Variants in CDKN2B-AS1 observed in about 807,000 individuals in gnomAD.
CDKN2B-AS1 encodes the protein CDKN2B antisense RNA 1 (non-protein coding).
At chr9:22,068,282 A>G (rs1824145741) in intron 4 of CDKN2B-AS1, among the ~76,000 whole-genome samples, 4 of 152,202 alleles carry the variant, frequency 2.6e-5, no homozygotes, top group African/African-American at 9.6e-5. Context: ...TTTACAATCA[A>G]TCTGGGAAGG....
intron 1 of CDKN2B-AS1, among the ~76,000 whole-genome samples, chr9:22,037,986 G>A (rs926775090): frequency 1.3e-5 from 2 of 151,950 alleles, no homozygotes; most frequent in Non-Finnish European, 2.9e-5. Flanking sequence ...AAATCTGAAG[G>A]TACTCAAAGC....
chr9:22,116,863 A>T (rs1825962657), intron 4 of CDKN2B-AS1, among the ~76,000 whole-genome samples: 1 of 152,236 alleles, frequency 6.6e-6, no homozygotes, highest in African/African-American at 2.4e-5. Flanking sequence ...CAAATAGTAA[A>T]ACCATTCTTC....
At chr9:22,119,951 T>G (rs1420675373) in intron 4 of CDKN2B-AS1, 3 of 152,206 alleles carry the variant, frequency 2.0e-5, no homozygotes, top group Non-Finnish European at 2.9e-5. Flanking sequence ...AGCATGAACT[T>G]GAGCTTGGGT....
chr9:22,071,284 G>GGTTTTTTTTTTTT (rs1563962583), intron 4 of CDKN2B-AS1, among the ~76,000 whole-genome samples: 3 of 77,480 alleles, frequency 3.9e-5, no homozygotes, highest in African/African-American at 1.8e-4. Flanking sequence ...GAAATATCTA[G>GGTTTTTTTTTTTT]CTTTTTTTTT....
rs1820715105 is a variant in CDKN2B-AS1, at chr9:21,996,885, G to A, written n.29+1724G>A. Among the ~76,000 whole-genome samples the A allele has an allele frequency of 6.6e-6, 1 of 152,196 alleles. No homozygotes were observed. Among genetic ancestry groups the A allele is most frequent in the Non-Finnish European group, 1.5e-5 (1 of 68,032 alleles). The stretch of plus-strand genomic sequence containing the variant: ...CAATGTAACTAGTTGTTGCAATAAA[G>A]CATGGTGGGGAAAGGAGAAAAGGCA... On this transcript the variant is annotated intron_variant and non_coding_transcript_variant, in intron 1 of 4. Transcript: ENST00000650946. This position sits in a 1 kb window ranked among gnomAD's most constrained non-coding sequence, Gnocchi z 5.4.
chr9:22,045,879 T>C (rs1823087859), intron 1 of CDKN2B-AS1, among the ~76,000 whole-genome samples: 1 of 152,160 alleles, frequency 6.6e-6, no homozygotes, highest in South Asian at 2.1e-4. Flanking sequence ...GGTGTATTTA[T>C]TAAACAATAT....
chr9:22,080,217 A>G (rs192677986), intron 4 of CDKN2B-AS1, among the ~76,000 whole-genome samples: 1 of 152,346 alleles, frequency 6.6e-6, no homozygotes, highest in African/African-American at 2.4e-5. Flanking sequence ...GTTTTCCCCA[A>G]GCTGTTTGGT....
chr9:22,013,015 T>C (rs1003362257), intron 1 of CDKN2B-AS1, among the ~76,000 whole-genome samples: 1 of 151,828 alleles, frequency 6.6e-6, no homozygotes, highest in African/African-American at 2.4e-5. Context: ...TTTCTCAGAG[T>C]TTTAACTTCT....
chr9:22,005,807 G>GA lies in CDKN2B-AS1; in HGVS notation n.29+10653dup, dbSNP rs1201530274. 1.6e-5 allele frequency: 12 copies of GA among 773,968 alleles called. No individual in the cohort carries two copies. The East Asian group carries it at 1.6e-4, about 10-fold the overall frequency. The allele number at this position is 773,968 out of a possible 1,614,324, so 47.9% of individuals were successfully genotyped here. A position where few individuals can be genotyped will look rare whatever the true frequency, so the allele number is the denominator to read the frequency against. ...AGTGTCGAGGGCCAGATAAGACAAA[G>GA]AAAAAAATGTATGGAAGGTTATTCC... On this transcript the variant is annotated intron_variant and non_coding_transcript_variant, in intron 1 of 4. Transcript: ENST00000650946. The surrounding 1 kb of genome is among the most constrained non-coding windows in gnomAD (Gnocchi z 4.9).
intron 4 of CDKN2B-AS1, among the ~76,000 whole-genome samples, chr9:22,081,479 G>C (rs1183926541): frequency 6.6e-6 from 1 of 152,150 alleles, no homozygotes; most frequent in Non-Finnish European, 1.5e-5. Flanking sequence ...GTTGACACTT[G>C]AGTCACCTAA....
At chr9:22,078,004 T>C (rs1162477398) in intron 4 of CDKN2B-AS1, 4 of 152,230 alleles carry the variant, frequency 2.6e-5, no homozygotes, top group Admixed American at 2.6e-4. Context: ...AAGTTTTTTT[T>C]CACCAAATAT....
At chr9:22,008,439 T>G (rs1821300985) in intron 1 of CDKN2B-AS1, among the ~76,000 whole-genome samples, 1 of 152,220 alleles carries the variant, frequency 6.6e-6, no homozygotes, top group African/African-American at 2.4e-5. Context: ...CAATCTAGAA[T>G]GCGTAACTTA....
chr9:22,119,641 G>A (rs559120426), intron 4 of CDKN2B-AS1: 1 of 152,378 alleles, frequency 6.6e-6, no homozygotes, highest in East Asian at 1.9e-4. Context: ...AGCTGTCTCA[G>A]TCACTACCTG....
At chr9:22,089,152 G>C (rs1268585676) in intron 4 of CDKN2B-AS1, among the ~76,000 whole-genome samples, 1 of 152,074 alleles carries the variant, frequency 6.6e-6, no homozygotes, top group Non-Finnish European at 1.5e-5. Flanking sequence ...AACAAGATTA[G>C]GTAGATCACT....
intron 1 of CDKN2B-AS1, chr9:22,008,930 C>T: frequency 1.2e-6 from 2 of 1,612,964 alleles, no homozygotes. Flanking sequence ...CCCCACTGGG[C>T]ATGCCCTTGT....
intron 1 of CDKN2B-AS1, chr9:22,002,831 A>C (rs1364113024): frequency 5.8e-6 from 1 of 173,548 alleles, no homozygotes; most frequent in Non-Finnish European, 1.2e-5. Flanking sequence ...ATTTTGCTTT[A>C]ACAGCAAAAC....
rs1388836946 is a variant in CDKN2B-AS1 at position 22,008,816 on chromosome 9, G to A, written n.29+13655G>A. The A allele has an allele frequency of 1.9e-6, 3 of 1,605,814 alleles. No individual in the cohort carries two copies. The Admixed American group carries it at 5.1e-5, about 27-fold the overall frequency. On this transcript the variant is annotated intron_variant and non_coding_transcript_variant, in intron 1 of 4. Coordinates refer to ENST00000650946, the Ensembl canonical transcript of CDKN2B-AS1. Reference sequence around the variant, plus strand: ...CAGCTACCTGGATCGCGCGCCTCCCGAAACGGTTGACTCCGTTGGGATCCG... The same window carrying A: ...CAGCTACCTGGATCGCGCGCCTCCCAAAACGGTTGACTCCGTTGGGATCCG...
chr9:22,104,474 A>G (rs1825591045), intron 4 of CDKN2B-AS1, among the ~76,000 whole-genome samples: 1 of 152,178 alleles, frequency 6.6e-6, no homozygotes. Flanking sequence ...TGTTTGTGGT[A>G]CTGTAGCACC....
intron 1 of CDKN2B-AS1, chr9:22,008,814 C>G: frequency 6.2e-7 from 1 of 1,606,154 alleles, no homozygotes; most frequent in Non-Finnish European, 8.5e-7. Flanking sequence ...CGCGCGCCTC[C>G]CGAAACGGTT....
Sources: allele counts gnomAD v4.1 joint callset (sites outside exome capture counted in the v4.1 genomes callset), GRCh38; gene constraint gnomAD v4.1.1; non-coding constraint Gnocchi (gnomAD v3.1); transcripts MANE v1.5; gene names NCBI Gene and HGNC (gene_info 2026-07-23, HGNC 2026-07-21).